The following APBB1 variants were observed in gnomAD, a reference collection of about 807,000 sequenced individuals.
The protein encoded by APBB1 is amyloid beta precursor protein binding family B member 1.
APBB1 carries 22 observed loss-of-function variants against 78.4 expected under a neutral mutation model. The ratio of observed to expected loss-of-function variants is 0.28; its 90% confidence interval spans 0.20 to 0.40. APBB1 has a LOEUF of 0.40. Ranked by LOEUF, APBB1 falls within the 10% of genes least tolerant of loss-of-function variation. APBB1 has a pLI of 1.00. For synonymous variants in APBB1, 369 were observed against 372.7 expected (o/e 0.99, Z 0.12); for missense variants, 749 against 932.4 (o/e 0.80, Z 2.56).
rs754705345 is a variant in APBB1 at position 6,403,401 on chromosome 11, C to G, written c.958G>C (p.Glu320Gln). The part of the protein sequence containing the change: ...GFEDGEFWKD[E>Q]PSDEAPMELG... ...TCCATTGGGGCCTCATCACTGGGTTCATCCTTGGGAAGGGGATTGAGGAAT... is the reference window on the plus strand; with the variant it reads ...TCCATTGGGGCCTCATCACTGGGTTGATCCTTGGGAAGGGGATTGAGGAAT... Residue 320 changes from glutamate (E) to glutamine (Q), a missense_variant, in exon 5 of 15, where the codon GAA becomes CAA. Around this residue, in one of 3 missense-constraint regions of APBB1, gnomAD observed 635 missense variants for 765.0 expected, o/e 0.83. Transcript: ENST00000609360. The surrounding 1 kb of genome is among the most constrained non-coding windows in gnomAD (Gnocchi z 5.3). 6.2e-7 allele frequency: 1 copy of G among 1,614,090 alleles called. No individual in the cohort carries two copies. Among genetic ancestry groups the G allele is most frequent in the Non-Finnish European group, 8.5e-7 (1 of 1,180,038 alleles).
intron 2 of APBB1, among the ~76,000 whole-genome samples, chr11:6,407,644 C>T (rs1475853084): frequency 3.9e-5 from 6 of 152,182 alleles, no homozygotes; most frequent in Non-Finnish European, 8.8e-5. Context: ...TTCCTCACCC[C>T]AATCCCAAAA....
rs1423092651 is a variant in APBB1, at chr11:6,410,713, A to C, written c.635T>G (p.Met212Arg). 4.8e-5 allele frequency: 75 copies of C among 1,552,436 alleles called. No individual in the cohort carries two copies. The highest frequency in any genetic ancestry group is 6.4e-5 in the Non-Finnish European group (74 of 1,149,896). ...HSKSASLLFG[M>R]RNSAASDEDS... Reference sequence around the variant, plus strand: ...CTCATCACTGGCTGCACTGTTCCGCATGCCAAACAGGAGGCTGGCACTCTT... The same window carrying C: ...CTCATCACTGGCTGCACTGTTCCGCCTGCCAAACAGGAGGCTGGCACTCTT... Residue 212 changes from methionine (M) to arginine (R), a missense_variant, in exon 2 of 15, where the codon ATG (methionine) becomes AGG (arginine). Around this residue, in one of 3 missense-constraint regions of APBB1, gnomAD observed 635 missense variants for 765.0 expected, o/e 0.83. Coordinates refer to ENST00000609360, the MANE Select transcript of APBB1 (RefSeq NM_001164.5).
rs1185954389 is a variant in APBB1 at position 6,411,825 on chromosome 11, G to A, written c.-14-464C>T. 6.6e-6 allele frequency among the ~76,000 whole-genome samples: 1 copy of A among 152,116 alleles called. No individual in the cohort carries two copies. The highest frequency in any genetic ancestry group is 6.5e-5 in the Admixed American group (1 of 15,280). On this transcript the variant is annotated intron_variant, in intron 1 of 14. Transcript: ENST00000609360. This position sits in a 1 kb window ranked among gnomAD's most constrained non-coding sequence, Gnocchi z 5.2. ...CCCATCACTGTAAGCTCCTCCGGCT[G>A]TGTTCCTATTCCCATAAATCACTCA...
chr11:6,407,759 C>A (rs551296204), intron 2 of APBB1, among the ~76,000 whole-genome samples: 2 of 151,054 alleles, frequency 1.3e-5, no homozygotes, highest in East Asian at 3.9e-4. Flanking sequence ...TCAGACTTTG[C>A]CTTTAGTAGA....
chr11:6,402,335 C>T, intron 7 of APBB1, 126 bp from the exon 8 acceptor site: 1 of 1,375,130 alleles, frequency 7.3e-7, no homozygotes, highest in Non-Finnish European at 9.9e-7. Context: ...GACCGCCCGC[C>T]CTGCAGGCCT....
Position 6,401,891 on chromosome 11 carries a change from G to A in APBB1, c.1388+86C>T, listed in dbSNP as rs759718747. ...GGAGGGTAATGGTGGAGCATAGCGG[G>A]TGGGAAGGGGCAGGGCAGAAGAGGG... On this transcript the variant is annotated intron_variant, in intron 9 of 14. Transcript: ENST00000609360. This position sits in a 1 kb window ranked among gnomAD's most constrained non-coding sequence, Gnocchi z 4.5. 46 of 1,530,960 alleles carry A rather than the reference G, an allele frequency of 3.0e-5. No homozygotes were observed. Among genetic ancestry groups the A allele is most frequent in the Non-Finnish European group, 3.5e-5 (40 of 1,132,910 alleles). 94.8% of individuals were successfully genotyped at this position (1,530,960 alleles called of 1,614,324 possible).
At chr11:6,404,775 G>A (rs1007600809) in intron 2 of APBB1, 11 of 1,536,318 alleles carry the variant, frequency 7.2e-6, no homozygotes, top group Non-Finnish European at 9.6e-6. Flanking sequence ...ATAATGGCCA[G>A]GAAAAAGTCC....
At chr11:6,405,603 G>C in intron 2 of APBB1, 6 of 986,008 alleles carry the variant, frequency 6.1e-6, no homozygotes, top group Non-Finnish European at 7.2e-6. Context: ...CGCCAAGGTG[G>C]CTGCACACCT....
At chr11:6,418,498 T>C (rs1849175808) in intron 1 of APBB1, among the ~76,000 whole-genome samples, 1 of 152,204 alleles carries the variant, frequency 6.6e-6, no homozygotes, top group Non-Finnish European at 1.5e-5. Context: ...GGAAAACTGC[T>C]TCTAATCAGT....
chr11:6,418,149 T>A (rs1448648489), intron 1 of APBB1, among the ~76,000 whole-genome samples: 2 of 151,552 alleles, frequency 1.3e-5, no homozygotes, highest in African/African-American at 4.9e-5. Context: ...AGGAAGCAAA[T>A]GAGATTGAGA....
chr11:6,405,319 G>A (rs1451706225), intron 2 of APBB1: 48 of 987,992 alleles, frequency 4.9e-5, no homozygotes, highest in Non-Finnish European at 5.5e-5. Flanking sequence ...GGTGGGCTTT[G>A]AGGTCCTGAG....
rs1800424 is a variant in APBB1, at chr11:6,402,677, G to A, written c.1153C>T (p.Leu385=). 7.7e-4 allele frequency: 1,246 copies of A among 1,614,164 alleles called. 4 individuals carry two copies. In the African/African-American group the frequency reaches 0.015, roughly 19 times the overall value. The change falls in exon 7 of 15, where the codon CTG becomes TTG. Residue 385 remains leucine, a synonymous_variant. Transcript: ENST00000609360. Reference sequence around the variant, plus strand: ...GCCACACTGCTGCGTCCAGGGGCCAGCTCCTCCTCGGTCATCTCTACCCAG... The same window carrying A: ...GCCACACTGCTGCGTCCAGGGGCCAACTCCTCCTCGGTCATCTCTACCCAG... ...LGWVEMTEEE[L]APGRSSVAVN...
rs534098273 is a variant in APBB1, at chr11:6,395,204, C to T, written c.*330G>A. 1 of 275,390 alleles carries T rather than the reference C, an allele frequency of 3.6e-6. No individual in the cohort carries two copies. Among genetic ancestry groups the T allele is most frequent in the South Asian group, 9.8e-5 (1 of 10,170 alleles). 17.1% of individuals were successfully genotyped at this position (275,390 alleles called of 1,614,324 possible). A position where few individuals can be genotyped will look rare whatever the true frequency, so the allele number is the denominator to read the frequency against. ...CAGGGGGAAGGGACCCATGCCTGGA[C>T]CAGTCCCTTCCTCCTTCTGCCCCTG... On this transcript the variant is annotated 3_prime_UTR_variant, in exon 15 of 15. Coordinates refer to ENST00000609360, the MANE Select transcript of APBB1 (RefSeq NM_001164.5). This position sits in a 1 kb window ranked among gnomAD's most constrained non-coding sequence, Gnocchi z 5.2.
rs1216331454 is a variant in APBB1, at chr11:6,411,426, G to T, written c.-14-65C>A. The T allele has an allele frequency of 1.4e-6, 2 of 1,406,216 alleles. No homozygotes were observed. The highest frequency in any genetic ancestry group is 1.4e-5 in the African/African-American group (1 of 69,492). The allele number at this position is 1,406,216 out of a possible 1,614,324, so 87.1% of individuals were successfully genotyped here. ...CCAGAACAGCAGCATCACTGCTTCT[G>T]CCCCAGGGCTATGCCCTGTGCCTCC... On this transcript the variant is annotated intron_variant, in intron 1 of 14. Transcript: ENST00000609360. The surrounding 1 kb of genome is among the most constrained non-coding windows in gnomAD (Gnocchi z 5.2).
chr11:6,410,313 C>T (rs1848924999), intron 2 of APBB1, among the ~76,000 whole-genome samples: 1 of 152,180 alleles, frequency 6.6e-6, no homozygotes, highest in African/African-American at 2.4e-5. Context: ...ATTTACCTCA[C>T]AGCTTTATTG....
intron 2 of APBB1, chr11:6,404,637 C>A (rs554952071): frequency 6.5e-7 from 1 of 1,536,278 alleles, no homozygotes; most frequent in Non-Finnish European, 8.7e-7. Context: ...CCTTGTCTGC[C>A]GGCAGAGCCA....
At position 6,411,220 on chromosome 11, in the gene APBB1, G is replaced by A. The variant is rs1297022339; in HGVS notation, c.128C>T (p.Thr43Ile). The A allele has an allele frequency of 6.2e-7, 1 of 1,607,442 alleles. No individual in the cohort carries two copies. The highest frequency in any genetic ancestry group is 8.5e-7 in the Non-Finnish European group (1 of 1,178,282). Residue 43 changes from threonine (T) to isoleucine (I), a missense_variant, in exon 2 of 15, where the codon ACA becomes ATA. By Grantham distance (89) the Thr-to-Ile change is moderately conservative. Around this residue, in one of 3 missense-constraint regions of APBB1, gnomAD observed 635 missense variants for 765.0 expected, o/e 0.83. Transcript: ENST00000609360. The surrounding 1 kb of genome is among the most constrained non-coding windows in gnomAD (Gnocchi z 5.2). ...NQLLNAKLQATAVGPKDLRSA... is the reference protein window; with the variant it reads ...NQLLNAKLQAIAVGPKDLRSA... ...GCGCAGGTCCTTGGGTCCCACAGCT[G>A]TGGCCTGCAGCTTGGCGTTGAGCAG...
chr11:6,397,262 CTT>C (rs1403409793), intron 12 of APBB1, among the ~76,000 whole-genome samples: 15 of 152,264 alleles, frequency 9.9e-5, no homozygotes, highest in Non-Finnish European at 1.9e-4. Context: ...CACGTGGACT[CTT>C]TTGGGCAGAG....
At chr11:6,417,715 G>T (rs1449277787) in intron 1 of APBB1, among the ~76,000 whole-genome samples, 4 of 152,214 alleles carry the variant, frequency 2.6e-5, no homozygotes, top group African/African-American at 9.7e-5. Flanking sequence ...ATGGATTTGA[G>T]AAATATTTAG....
Sources: allele counts gnomAD v4.1 joint callset (sites outside exome capture counted in the v4.1 genomes callset), GRCh38; gene constraint gnomAD v4.1.1; regional missense constraint gnomAD v4.1.1; non-coding constraint Gnocchi (gnomAD v3.1); transcripts MANE v1.5; gene names NCBI Gene and HGNC (gene_info 2026-07-23, HGNC 2026-07-21).